Variants in ADGRL3 observed in about 807,000 individuals in gnomAD.
ADGRL3 encodes calcium-independent alpha-latrotoxin receptor 3.
Under a neutral mutation model 153.5 loss-of-function variants are expected in ADGRL3, and 62 were observed. The ratio of observed to expected loss-of-function variants is 0.40; its 90% CI spans 0.33 to 0.50. The LOEUF is 0.50. Among genes scored for constraint, ADGRL3 ranks in the 20% least tolerant of loss-of-function variants. The probability of loss-of-function intolerance (pLI) is 0.47; values close to 1 mark genes in which losing one functional copy is unlikely to be tolerated. For missense variants in ADGRL3, 1,641 were observed against 1,859.4 expected, an observed-to-expected ratio of 0.88 and a Z score of 2.16; for synonymous variants, 710 against 672.5, an observed-to-expected ratio of 1.06 and a Z score of -0.86.
At chr4:61,789,544 A>G (rs969958175) in intron 8 of ADGRL3, among the ~76,000 whole-genome samples, 2 of 152,154 alleles carry the variant, frequency 1.3e-5, no homozygotes, top group Non-Finnish European at 2.9e-5. Context: ...ATAAAGTTCC[A>G]TTTGCTTCAA....
At chr4:61,975,025 C>T (rs1024006515) in intron 17 of ADGRL3, among the ~76,000 whole-genome samples, 3 of 152,254 alleles carry the variant, frequency 2.0e-5, no homozygotes, top group Admixed American at 1.3e-4. Flanking sequence ...TGTGCAGCTA[C>T]TGTATATTAC....
rs2098327412 is a variant in ADGRL3, at chr4:61,497,005, C to T, written c.-173-116C>T. On this transcript the variant is annotated intron_variant, in intron 2 of 26. Coordinates refer to ENST00000683033, the MANE Select transcript of ADGRL3 (RefSeq NM_001387552.1). Reference sequence around the variant, plus strand: ...TCAGTAGAGACTGAATTGTTTATTTCATTAAGATCTGAGGCCAGGATATTA... The same window carrying T: ...TCAGTAGAGACTGAATTGTTTATTTTATTAAGATCTGAGGCCAGGATATTA... 7 of 322,740 alleles carry T rather than the reference C, an allele frequency of 2.2e-5. No homozygotes were observed. The South Asian group carries it at 3.3e-4, about 15-fold the overall frequency. The allele number at this position is 322,740 out of a possible 1,614,324, so 20.0% of individuals were successfully genotyped here.
chr4:61,432,650 C>CT (rs1318009683), intron 2 of ADGRL3, among the ~76,000 whole-genome samples: 1 of 38,872 alleles, frequency 2.6e-5, no homozygotes, highest in Non-Finnish European at 4.7e-5. Flanking sequence ...TTCTTTCTTT[C>CT]TTTCTTTTTT....
At chr4:61,492,706 A>G (rs988415364) in intron 2 of ADGRL3, among the ~76,000 whole-genome samples, 1 of 152,144 alleles carries the variant, frequency 6.6e-6, no homozygotes, top group Non-Finnish European at 1.5e-5. Context: ...AAATTCTTTT[A>G]GAGTATAATT....
chr4:61,762,145 A>G (rs886094988), intron 8 of ADGRL3, among the ~76,000 whole-genome samples: 2 of 152,224 alleles, frequency 1.3e-5, no homozygotes, highest in Non-Finnish European at 2.9e-5. Context: ...TAAAGATCTG[A>G]TAGGAGCTTA....
chr4:61,711,495 C>CAT (rs1262362597), intron 6 of ADGRL3, among the ~76,000 whole-genome samples: 3,166 of 87,152 alleles, frequency 0.036, 173 homozygotes, highest in East Asian at 0.083. Context: ...TATATATACA[C>CAT]ACACACACAC....
At chr4:61,761,280 T>G (rs1396335594) in intron 8 of ADGRL3, among the ~76,000 whole-genome samples, 1 of 152,202 alleles carries the variant, frequency 6.6e-6, no homozygotes. Context: ...GAAGTTTGTT[T>G]TGGGAAAGGG....
chr4:61,733,873 C>T (rs1037142285), intron 8 of ADGRL3, among the ~76,000 whole-genome samples: 3 of 152,032 alleles, frequency 2.0e-5, no homozygotes, highest in African/African-American at 7.2e-5. Context: ...ATAGAACAGC[C>T]CGTCTAAACA....
At chr4:61,444,917 G>A (rs1461848603) in intron 2 of ADGRL3, among the ~76,000 whole-genome samples, 1 of 152,048 alleles carries the variant, frequency 6.6e-6, no homozygotes, top group Non-Finnish European at 1.5e-5. Flanking sequence ...CCTAGGTGTA[G>A]TGGTGTACGC....
At chr4:61,848,002 A>T (rs1469439097) in intron 9 of ADGRL3, among the ~76,000 whole-genome samples, 33 of 13,934 alleles carry the variant, frequency 2.4e-3, no homozygotes, top group African/African-American at 4.0e-3. Context: ...ATATAATATA[A>T]AATATATTAT....
At chr4:62,007,135 A>G (rs2099161940) in intron 21 of ADGRL3, among the ~76,000 whole-genome samples, 1 of 151,514 alleles carries the variant, frequency 6.6e-6, no homozygotes, top group South Asian at 2.1e-4. Flanking sequence ...GAAAGAAGAG[A>G]TAAGAGAAGG....
intron 21 of ADGRL3, among the ~76,000 whole-genome samples, chr4:62,010,143 T>C (rs1394915614): frequency 6.6e-6 from 1 of 152,136 alleles, no homozygotes; most frequent in African/African-American, 2.4e-5. Context: ...ATAGGCATGA[T>C]TGATTCAACA....
intron 2 of ADGRL3, among the ~76,000 whole-genome samples, chr4:61,473,711 T>C (rs1307849102): frequency 6.6e-6 from 1 of 152,046 alleles, no homozygotes; most frequent in Non-Finnish European, 1.5e-5. Context: ...TAGAAAAAAA[T>C]ATTTTCAGCC....
intron 4 of ADGRL3, among the ~76,000 whole-genome samples, chr4:61,527,856 T>C (rs2098579801): frequency 6.6e-6 from 1 of 152,160 alleles, no homozygotes; most frequent in African/African-American, 2.4e-5. Flanking sequence ...AACCCTCTCA[T>C]TGACTGGGCC....
chr4:61,994,275 G>A (rs1180349217), intron 19 of ADGRL3, among the ~76,000 whole-genome samples: 1 of 151,978 alleles, frequency 6.6e-6, no homozygotes, highest in African/African-American at 2.4e-5. Flanking sequence ...AGCCTCTCGA[G>A]TAGTTGGGAC....
chr4:61,439,995 G>A (rs994304005), intron 2 of ADGRL3, among the ~76,000 whole-genome samples: 41 of 151,934 alleles, frequency 2.7e-4, no homozygotes, highest in African/African-American at 9.9e-4. Context: ...CATCAATGAT[G>A]CATCTGTGCT....
At chr4:61,363,568 T>C (rs1278163561) in intron 1 of ADGRL3, among the ~76,000 whole-genome samples, 1 of 152,152 alleles carries the variant, frequency 6.6e-6, no homozygotes, top group Non-Finnish European at 1.5e-5. Context: ...TTCTCTCATG[T>C]TAAGAAAATG....
At chr4:61,373,600 A>T (rs1195623152) in intron 1 of ADGRL3, among the ~76,000 whole-genome samples, 1 of 152,232 alleles carries the variant, frequency 6.6e-6, no homozygotes, top group Admixed American at 6.5e-5. Flanking sequence ...AGCATCAATT[A>T]AATTTAAAAA....
At chr4:61,772,468 A>C (rs998537758) in intron 8 of ADGRL3, among the ~76,000 whole-genome samples, 2 of 152,152 alleles carry the variant, frequency 1.3e-5, no homozygotes, top group Non-Finnish European at 2.9e-5. Flanking sequence ...CAATAGAAAA[A>C]TATACACATT....
Sources: gnomAD v4.1 joint callset for allele counts (sites outside exome capture counted in the v4.1 genomes callset) on GRCh38, gnomAD v4.1.1 for gene constraint, MANE v1.5 for transcripts, NCBI Gene and HGNC (gene_info 2026-07-23, HGNC 2026-07-21) for gene names.